RCSD1: variants seen among roughly 807,000 people sequenced by gnomAD.
RCSD1 encodes capZ-interacting protein.
Under a neutral mutation model 42.5 loss-of-function variants are expected in RCSD1, and 26 were observed. The observed-to-expected ratio is 0.61, with a 90% CI of 0.45 to 0.85. The LOEUF is 0.85. Ranked by LOEUF, RCSD1 falls within the 40% of genes least tolerant of loss-of-function variation. The pLI, the probability that RCSD1 is intolerant of heterozygous loss-of-function variation, is 0.00. For missense variants in RCSD1, 571 were observed against 528.3 expected, an observed-to-expected ratio of 1.08 and a Z score of -0.79; for synonymous variants, 220 against 212.2, an observed-to-expected ratio of 1.04 and a Z score of -0.32.
chr1:167,650,664 C>G (rs919580265), intron 1 of RCSD1, among the ~76,000 whole-genome samples: 4 of 152,232 alleles, frequency 2.6e-5, no homozygotes, highest in South Asian at 2.1e-4. Flanking sequence ...GGACTGCCCT[C>G]TCTCTGGTTA....
intron 1 of RCSD1, among the ~76,000 whole-genome samples, chr1:167,644,726 G>A (rs929513945): frequency 6.6e-6 from 1 of 152,128 alleles, no homozygotes; most frequent in Admixed American, 6.5e-5. Context: ...TCACACCTCT[G>A]TGGGGAGGCC....
Position 167,672,951 on chromosome 1 carries a change from C to T in RCSD1, c.7-10949C>T, listed in dbSNP as rs79888021. The stretch of plus-strand genomic sequence containing the variant: ...CATTCATTGTGTCTTTAGAGCCTCA[C>T]AACTATCCCGTGATAGTTGGGATAG... On this transcript the variant is annotated intron_variant, in intron 1 of 6. Coordinates refer to ENST00000367854, the MANE Select transcript of RCSD1 (RefSeq NM_052862.4). Among the ~76,000 whole-genome samples the T allele has an allele frequency of 3.7e-3, 568 of 152,248 alleles. 4 individuals carry two copies. Among genetic ancestry groups the T allele is most frequent in the Middle Eastern group, 0.017 (5 of 294 alleles).
intron 1 of RCSD1, among the ~76,000 whole-genome samples, chr1:167,634,833 T>C (rs550716973): frequency 6.6e-6 from 1 of 152,288 alleles, no homozygotes; most frequent in East Asian, 1.9e-4. Flanking sequence ...ACTCAGTATT[T>C]ATTGGGCCCT....
intron 1 of RCSD1, among the ~76,000 whole-genome samples, chr1:167,667,422 A>G (rs12073030): frequency 0.22 from 33,348 of 152,152 alleles, 4,004 homozygotes; most frequent in African/African-American, 0.29. Flanking sequence ...CTTTTCTTCA[A>G]ATTTTCTCCT....
At chr1:167,660,839 T>A (rs1331762962) in intron 1 of RCSD1, among the ~76,000 whole-genome samples, 1 of 152,228 alleles carries the variant, frequency 6.6e-6, no homozygotes, top group East Asian at 1.9e-4. Flanking sequence ...TCAACTTCAA[T>A]ACAGAGGAAC....
intron 1 of RCSD1, among the ~76,000 whole-genome samples, chr1:167,683,355 G>A (rs760891250): frequency 2.4e-4 from 37 of 152,230 alleles, no homozygotes; most frequent in Non-Finnish European, 1.3e-4. Context: ...AAGAGATGGA[G>A]CAAGTCAGTG....
rs182966774 is a variant in RCSD1, at chr1:167,647,065, G to A, written c.6+16636G>A. ...GAATCGCTTGAACCTGGGAGGCAGA[G>A]GTTGCAGTGAGCCGAGATCATACCA... On this transcript the variant is annotated intron_variant, in intron 1 of 6. Transcript: ENST00000367854. Among the ~76,000 whole-genome samples, 427 of 149,066 alleles carry A rather than the reference G, an allele frequency of 2.9e-3. 3 individuals carry two copies. Among genetic ancestry groups the A allele is most frequent in the Non-Finnish European group, 4.6e-3 (312 of 67,694 alleles).
At chr1:167,645,536 C>T (rs529644248) in intron 1 of RCSD1, among the ~76,000 whole-genome samples, 17 of 152,280 alleles carry the variant, frequency 1.1e-4, no homozygotes, top group African/African-American at 3.9e-4. Flanking sequence ...ACATTCTCAA[C>T]TTATTCAACT....
chr1:167,663,451 C>T (rs1234556), intron 1 of RCSD1: 23,709 of 152,426 alleles, frequency 0.16, 2,523 homozygotes, highest in Non-Finnish European at 0.2. Context: ...AGCAGTCTTC[C>T]CTCTGAAGGC....
chr1:167,685,585 G>C, intron 3 of RCSD1, 75 bp downstream of exon 3: 3 of 1,225,068 alleles, frequency 2.4e-6, no homozygotes, highest in South Asian at 1.3e-5. Context: ...GTTTGGAGGA[G>C]GGGGCACCAA....
chr1:167,700,650 C>CAAAA (rs1199114073), intron 6 of RCSD1, among the ~76,000 whole-genome samples: 6 of 88,950 alleles, frequency 6.7e-5, no homozygotes, highest in African/African-American at 2.5e-4. Context: ...GATTCCGTCT[C>CAAAA]AAAAAAAAAA....
intron 1 of RCSD1, among the ~76,000 whole-genome samples, chr1:167,650,714 C>T (rs952443707): frequency 1.2e-4 from 19 of 152,160 alleles, no homozygotes; most frequent in Admixed American, 2.6e-4. Context: ...CAATTAAGCA[C>T]AAAGCAGGGA....
chr1:167,688,474 C>T (rs1659291177), intron 3 of RCSD1, among the ~76,000 whole-genome samples: 1 of 152,202 alleles, frequency 6.6e-6, no homozygotes, highest in East Asian at 1.9e-4. Flanking sequence ...GCTATAGGAA[C>T]ATACCCGACA....
intron 1 of RCSD1, among the ~76,000 whole-genome samples, chr1:167,652,911 C>T (rs1233702603): frequency 6.6e-6 from 1 of 152,214 alleles, no homozygotes; most frequent in Non-Finnish European, 1.5e-5. Context: ...GCCACTGCTA[C>T]AGGCAATTTT....
chr1:167,641,205 A>C (rs575213933), intron 1 of RCSD1, among the ~76,000 whole-genome samples: 91 of 152,266 alleles, frequency 6.0e-4, no homozygotes, highest in African/African-American at 2.1e-3. Flanking sequence ...TGAAGCCATG[A>C]GGATCACCCC....
chr1:167,680,625 C>A (rs1432872603), intron 1 of RCSD1, among the ~76,000 whole-genome samples: 1 of 151,950 alleles, frequency 6.6e-6, no homozygotes, highest in Non-Finnish European at 1.5e-5. Context: ...GGACCATAGG[C>A]ACACGCCACC....
chr1:167,669,815 C>T (rs1658757714), intron 1 of RCSD1, among the ~76,000 whole-genome samples: 1 of 152,204 alleles, frequency 6.6e-6, no homozygotes, highest in African/African-American at 2.4e-5. Context: ...CCTGCTAATG[C>T]TCACTCCTGA....
chr1:167,683,107 G>T lies in RCSD1; in HGVS notation c.7-793G>T, dbSNP rs114871520. On this transcript the variant is annotated intron_variant, in intron 1 of 6. Transcript: ENST00000367854. ...CTTGGCCTCTTCAGGGAACCTGGGG[G>T]CACCTCAATGGAGGGACAGCCACGG... is the stretch of plus-strand genomic sequence containing the variant. Among the ~76,000 whole-genome samples, 668 of 152,304 alleles carry T rather than the reference G, an allele frequency of 4.4e-3. 5 individuals are homozygous for T. Among genetic ancestry groups the T allele is most frequent in the African/African-American group, 0.015 (605 of 41,552 alleles).
intron 1 of RCSD1, among the ~76,000 whole-genome samples, chr1:167,679,043 T>C (rs1659018008): frequency 6.6e-6 from 1 of 152,238 alleles, no homozygotes; most frequent in African/African-American, 2.4e-5. Context: ...AAGTAGCAAC[T>C]TCTGAAGGGC....
Sources: allele counts gnomAD v4.1 joint callset (sites outside exome capture counted in the v4.1 genomes callset), GRCh38; gene constraint gnomAD v4.1.1; transcripts MANE v1.5; gene names NCBI Gene and HGNC (gene_info 2026-07-23, HGNC 2026-07-21).